The following KCNIP4 variants were observed in gnomAD, a reference collection of about 807,000 sequenced individuals.
KCNIP4 encodes the protein Kv channel-interacting protein 4.
Under a neutral mutation model 34.0 loss-of-function variants are expected in KCNIP4, and 12 were observed. That is an observed-to-expected ratio of 0.35 (90% CI 0.23 to 0.57). KCNIP4 has a LOEUF of 0.57. Ranked by LOEUF, KCNIP4 falls within the 20% of genes least tolerant of loss-of-function variation. The probability of loss-of-function intolerance (pLI) is 0.83; values close to 1 mark genes in which losing one functional copy is unlikely to be tolerated. For missense variants in KCNIP4, 238 were observed against 311.7 expected (o/e 0.76, Z 1.78); for synonymous variants, 124 against 102.2 (o/e 1.21, Z -1.29).
chr4:21,510,008 C>T (rs1734173298), intron 1 of KCNIP4, among the ~76,000 whole-genome samples: 2 of 144,156 alleles, frequency 1.4e-5, no homozygotes, highest in Admixed American at 1.4e-4. Context: ...ATCCCAGCTA[C>T]TCGGAAAGCA....
At chr4:20,984,971 G>A (rs1005915535) in intron 1 of KCNIP4, among the ~76,000 whole-genome samples, 3 of 152,158 alleles carry the variant, frequency 2.0e-5, no homozygotes, top group Admixed American at 6.5e-5. Flanking sequence ...TCGCAAAGAT[G>A]CCATGAGGTG....
intron 1 of KCNIP4, among the ~76,000 whole-genome samples, chr4:21,174,390 TC>T (rs1211792169): frequency 6.6e-6 from 1 of 152,164 alleles, no homozygotes; most frequent in Non-Finnish European, 1.5e-5. Context: ...GACTTAAACT[TC>T]CTGAGACTCA....
intron 1 of KCNIP4, among the ~76,000 whole-genome samples, chr4:21,516,055 A>G (rs1265698888): frequency 6.6e-6 from 1 of 152,222 alleles, no homozygotes; most frequent in Non-Finnish European, 1.5e-5. Context: ...TTATTGTTCA[A>G]TGACAGAATA....
intron 1 of KCNIP4, among the ~76,000 whole-genome samples, chr4:21,425,899 A>G (rs1009309238): frequency 5.3e-5 from 8 of 151,968 alleles, no homozygotes; most frequent in African/African-American, 1.9e-4. Context: ...AAAAAAATAC[A>G]AAAAATTAGC....
chr4:21,477,815 C>G (rs1006956209), intron 1 of KCNIP4, among the ~76,000 whole-genome samples: 2 of 152,196 alleles, frequency 1.3e-5, no homozygotes, highest in Admixed American at 6.5e-5. Context: ...CCAAGCCAGT[C>G]TGAAGCATTC....
intron 1 of KCNIP4, chr4:21,851,472 CA>C (rs1300235780): frequency 3.3e-5 from 5 of 152,212 alleles, no homozygotes; most frequent in African/African-American, 1.2e-4. Context: ...GTACATTATG[CA>C]AGTGATGGTC....
chr4:21,144,343 T>C (rs530103538), intron 1 of KCNIP4, among the ~76,000 whole-genome samples: 16 of 152,338 alleles, frequency 1.1e-4, no homozygotes, highest in Middle Eastern at 3.4e-3. Context: ...TTTTACCCTT[T>C]TATAAAACAT....
intron 1 of KCNIP4, among the ~76,000 whole-genome samples, chr4:21,180,271 A>C (rs1376469580): frequency 2.0e-5 from 3 of 152,220 alleles, no homozygotes; most frequent in Non-Finnish European, 4.4e-5. Flanking sequence ...TAATAACATG[A>C]ATCAAGCTTC....
chr4:20,827,986 T>C (rs907711452), intron 3 of KCNIP4, among the ~76,000 whole-genome samples: 1 of 152,194 alleles, frequency 6.6e-6, no homozygotes, highest in South Asian at 2.1e-4. Flanking sequence ...GTGTAATATA[T>C]AGGCTGGGAG....
intron 3 of KCNIP4, among the ~76,000 whole-genome samples, chr4:20,784,168 T>C (rs1234649522): frequency 3.9e-5 from 6 of 152,230 alleles, no homozygotes; most frequent in Admixed American, 3.3e-4. Context: ...GAGTTTCTAA[T>C]TCCTATCTAG....
chr4:21,465,104 T>C (rs894081268), intron 1 of KCNIP4, among the ~76,000 whole-genome samples: 4 of 152,110 alleles, frequency 2.6e-5, no homozygotes, highest in Non-Finnish European at 5.9e-5. Flanking sequence ...TTTTTGAGTA[T>C]AAATAGAAGA....
intron 1 of KCNIP4, among the ~76,000 whole-genome samples, chr4:21,199,064 C>A (rs1756273642): frequency 6.6e-6 from 1 of 152,076 alleles, no homozygotes; most frequent in Non-Finnish European, 1.5e-5. Flanking sequence ...GAGTAAAAAA[C>A]ATCGTTCCTT....
intron 3 of KCNIP4, among the ~76,000 whole-genome samples, chr4:20,812,638 T>C (rs1578679117): frequency 6.6e-6 from 1 of 151,974 alleles, no homozygotes; most frequent in East Asian, 1.9e-4. Context: ...TCTATTGGAG[T>C]TCGGTTTGGG....
intron 1 of KCNIP4, among the ~76,000 whole-genome samples, chr4:21,251,338 T>C (rs1048734204): frequency 4.6e-5 from 7 of 152,214 alleles, no homozygotes; most frequent in Non-Finnish European, 1.0e-4. Context: ...TTGTTTTCAT[T>C]TGTATTTGCA....
chr4:20,744,323 G>A (rs369669317), intron 5 of KCNIP4, among the ~76,000 whole-genome samples: 7 of 152,088 alleles, frequency 4.6e-5, no homozygotes, highest in African/African-American at 1.7e-4. Flanking sequence ...TGTTTATTGC[G>A]GCACTATTCA....
chr4:20,777,021 T>C (rs1756432730), intron 3 of KCNIP4, among the ~76,000 whole-genome samples: 1 of 152,146 alleles, frequency 6.6e-6, no homozygotes, highest in Admixed American at 6.5e-5. Context: ...CTAATCTCCA[T>C]TATGATCATA....
Position 21,755,481 on chromosome 4 carries a change from G to A in KCNIP4, c.61+193090C>T, listed in dbSNP as rs75243130. Among the ~76,000 whole-genome samples, 1,397 of 152,172 alleles carry A rather than the reference G, an allele frequency of 9.2e-3. 20 individuals carry two copies. Among genetic ancestry groups the A allele is most frequent in the South Asian group, 0.039 (187 of 4,820 alleles). Reference sequence around the variant, plus strand: ...CAAAGGAACAGGCAGACTTACCCCCGGGGCAACTGAAACTGAAGGACAAGG... The same window carrying A: ...CAAAGGAACAGGCAGACTTACCCCCAGGGCAACTGAAACTGAAGGACAAGG... On this transcript the variant is annotated intron_variant, in intron 1 of 8. Transcript: ENST00000382152.
intron 1 of KCNIP4, among the ~76,000 whole-genome samples, chr4:21,706,025 T>C (rs888299626): frequency 1.3e-5 from 2 of 152,174 alleles, no homozygotes; most frequent in African/African-American, 2.4e-5. Flanking sequence ...AGTTGTTTAA[T>C]GCTATCCTTG....
At chr4:21,207,149 T>C (rs973092350) in intron 1 of KCNIP4, among the ~76,000 whole-genome samples, 3 of 152,184 alleles carry the variant, frequency 2.0e-5, no homozygotes, top group African/African-American at 7.2e-5. Context: ...AAGAAGAGAA[T>C]TCTCTGTGTT....
Sources: allele counts gnomAD v4.1 joint callset (sites outside exome capture counted in the v4.1 genomes callset), GRCh38; gene constraint gnomAD v4.1.1; transcripts MANE v1.5; gene names NCBI Gene and HGNC (gene_info 2026-07-23, HGNC 2026-07-21).